The following SATB2 variants were observed in gnomAD, a reference collection of about 807,000 sequenced individuals.
SATB2 encodes the protein DNA-binding protein SATB2.
Under a neutral mutation model 73.4 loss-of-function variants are expected in SATB2, and 1 was observed. The observed-to-expected ratio is 0.01, with a 90% CI of 0.00 to 0.06. The LOEUF is 0.06. Ranked by LOEUF, SATB2 falls within the 10% of genes least tolerant of loss-of-function variation. The probability of loss-of-function intolerance (pLI) is 1.00; values close to 1 mark genes in which losing one functional copy is unlikely to be tolerated. For synonymous variants in SATB2, 397 were observed against 367.0 expected (o/e 1.08, Z -0.93); for missense variants, 459 against 945.8 (o/e 0.49, Z 6.75).
Position 199,433,375 on chromosome 2 carries a change from G to A in SATB2, c.309C>T (p.Ala103=), listed in dbSNP as rs779217668. ...CCGCAGAGCTGTGAGAATACCCCAGGGCCAGGAGCGCAGTCTCCACCAGCT... is the reference window on the plus strand; with the variant it reads ...CCGCAGAGCTGTGAGAATACCCCAGAGCCAGGAGCGCAGTCTCCACCAGCT... The part of the protein sequence containing the change: ...FSQLVETALL[A]LGYSHSSAAQ... Residue 103 remains alanine (A), a synonymous_variant, in exon 3 of 11, where the codon GCC becomes GCT. Coordinates refer to ENST00000417098, the MANE Select transcript of SATB2 (RefSeq NM_001172509.2). 1.2e-6 allele frequency: 2 copies of A among 1,614,078 alleles called. No homozygotes were observed. Among genetic ancestry groups the A allele is most frequent in the South Asian group, 2.2e-5 (2 of 91,078 alleles).
intron 7 of SATB2, among the ~76,000 whole-genome samples, chr2:199,345,608 C>A (rs1688627611): frequency 1.3e-5 from 2 of 152,152 alleles, no homozygotes; most frequent in African/African-American, 4.8e-5. Flanking sequence ...GGCTTGAAGC[C>A]TGGTGTCAGT....
At chr2:199,394,445 T>C (rs1690240286) in intron 3 of SATB2, among the ~76,000 whole-genome samples, 1 of 152,178 alleles carries the variant, frequency 6.6e-6, no homozygotes, top group Non-Finnish European at 1.5e-5. Flanking sequence ...GATAAGAAGA[T>C]GGCAAGAACT....
intron 6 of SATB2, among the ~76,000 whole-genome samples, chr2:199,358,953 T>C (rs1366793911): frequency 6.6e-6 from 1 of 152,202 alleles, no homozygotes; most frequent in East Asian, 1.9e-4. Flanking sequence ...CAAGTATTCC[T>C]ATAACATTCT....
At chr2:199,366,651 C>A (rs943269176) in intron 6 of SATB2, among the ~76,000 whole-genome samples, 1 of 151,996 alleles carries the variant, frequency 6.6e-6, no homozygotes, top group Non-Finnish European at 1.5e-5. Flanking sequence ...CAGACACACA[C>A]ACACTTTTCA....
intron 9 of SATB2, among the ~76,000 whole-genome samples, chr2:199,317,813 G>T (rs998667735): frequency 1.3e-5 from 2 of 151,938 alleles, no homozygotes; most frequent in Admixed American, 6.6e-5. Context: ...AGACTGGAGG[G>T]CTCAACTTGA....
chr2:199,341,250 A>T (rs2105812935), intron 7 of SATB2, among the ~76,000 whole-genome samples: 1 of 152,352 alleles, frequency 6.6e-6, no homozygotes, highest in Non-Finnish European at 1.5e-5. Flanking sequence ...AGGCCTAGTA[A>T]GTCAAACTAT....
intron 1 of SATB2, among the ~76,000 whole-genome samples, chr2:199,456,540 C>T (rs112022110): frequency 6.6e-6 from 1 of 152,220 alleles, no homozygotes; most frequent in Admixed American, 6.5e-5. Flanking sequence ...ACCGAATTAA[C>T]CACCCGGTAA....
intron 3 of SATB2, among the ~76,000 whole-genome samples, chr2:199,392,387 T>C (rs1296582189): frequency 1.3e-5 from 2 of 151,910 alleles, no homozygotes; most frequent in Admixed American, 6.6e-5. Context: ...TGTGAAGGAC[T>C]TGGCATAGGC....
upstream of SATB2, among the ~76,000 whole-genome samples, chr2:199,462,661 T>C (rs142863884): frequency 1.3e-5 from 2 of 151,828 alleles, no homozygotes; most frequent in Non-Finnish European, 2.9e-5. The surrounding 1 kb of genome is among the most constrained non-coding windows in gnomAD (Gnocchi z 5.9). Context: ...GCTCAGGGGG[T>C]CTGGGCGGGG....
At chr2:199,392,417 A>G (rs938712888) in intron 3 of SATB2, among the ~76,000 whole-genome samples, 13 of 107,952 alleles carry the variant, frequency 1.2e-4, no homozygotes, top group Admixed American at 6.2e-4. Flanking sequence ...AATACCCAGG[A>G]AAAAAAAAAA....
At chr2:199,351,621 T>A (rs913096701) in intron 6 of SATB2, among the ~76,000 whole-genome samples, 1 of 152,122 alleles carries the variant, frequency 6.6e-6, no homozygotes. Flanking sequence ...TCAGATAACA[T>A]AATCTAACAG....
chr2:199,296,548 T>A (rs1361898457), intron 10 of SATB2, among the ~76,000 whole-genome samples: 1 of 151,942 alleles, frequency 6.6e-6, no homozygotes, highest in Non-Finnish European at 1.5e-5. Flanking sequence ...AGAAATTAGC[T>A]AGGGATGGTA....
At chr2:199,274,650 G>A (rs1692256848) in intron 10 of SATB2, among the ~76,000 whole-genome samples, 1 of 152,220 alleles carries the variant, frequency 6.6e-6, no homozygotes, top group South Asian at 2.1e-4. Flanking sequence ...CTATAAAACA[G>A]TGGCACTAAA....
chr2:199,395,070 T>C (rs1428359459), intron 3 of SATB2, among the ~76,000 whole-genome samples: 1 of 152,142 alleles, frequency 6.6e-6, no homozygotes, highest in Non-Finnish European at 1.5e-5. Context: ...AAGACTGATT[T>C]CCTTCATGTC....
intron 9 of SATB2, among the ~76,000 whole-genome samples, chr2:199,322,250 G>C (rs1317294082): frequency 2.0e-5 from 3 of 152,164 alleles, no homozygotes; most frequent in Admixed American, 6.5e-5. Flanking sequence ...CTAAGGGGCA[G>C]GTTTGCAAAA....
intron 2 of SATB2, among the ~76,000 whole-genome samples, chr2:199,447,954 ATC>A (rs1419974506): frequency 6.6e-6 from 1 of 151,608 alleles, no homozygotes; most frequent in Non-Finnish European, 1.5e-5. Flanking sequence ...TGTTATTGTA[ATC>A]TGTTTTCGAT....
At chr2:199,429,559 TA>T (rs953054800) in intron 3 of SATB2, among the ~76,000 whole-genome samples, 15 of 152,196 alleles carry the variant, frequency 9.9e-5, no homozygotes, top group African/African-American at 2.2e-4. Context: ...ATTTTGACCT[TA>T]AAAAAAATCC....
chr2:199,321,432 A>G (rs961567454), intron 9 of SATB2, among the ~76,000 whole-genome samples: 3 of 151,026 alleles, frequency 2.0e-5, no homozygotes, highest in African/African-American at 7.3e-5. Context: ...ATATATATAT[A>G]TCTCAGTCTC....
chr2:199,353,847 T>C (rs1305423414), intron 6 of SATB2, among the ~76,000 whole-genome samples: 1 of 152,196 alleles, frequency 6.6e-6, no homozygotes, highest in Admixed American at 6.6e-5. Flanking sequence ...ATGGAAAACA[T>C]CATGTTAAGT....
Sources: gnomAD v4.1 joint callset for allele counts (sites outside exome capture counted in the v4.1 genomes callset) on GRCh38, gnomAD v4.1.1 for gene constraint, Gnocchi (gnomAD v3.1) non-coding constraint, MANE v1.5 for transcripts, NCBI Gene and HGNC (gene_info 2026-07-23, HGNC 2026-07-21) for gene names.